PITPNC1: variants seen among roughly 807,000 people sequenced by gnomAD.
PITPNC1 encodes the protein cytoplasmic phosphatidylinositol transfer protein 1.
Under a neutral mutation model 44.7 loss-of-function variants are expected in PITPNC1, and 18 were observed. The observed-to-expected ratio is 0.40, with a 90% CI of 0.28 to 0.60. PITPNC1 has a LOEUF of 0.60. Among genes scored for constraint, PITPNC1 ranks in the 20% least tolerant of loss-of-function variants. The pLI is 0.39. For synonymous variants in PITPNC1, 141 were observed against 149.6 expected (o/e 0.94, Z 0.42); for missense variants, 290 against 418.4 (o/e 0.69, Z 2.68).
At chr17:67,534,171 G>A (rs959029618) in intron 2 of PITPNC1, among the ~76,000 whole-genome samples, 4 of 151,816 alleles carry the variant, frequency 2.6e-5, no homozygotes, top group African/African-American at 7.3e-5. Flanking sequence ...CTGGGATTAC[G>A]GGCATGAGCC....
chr17:67,400,052 A>G (rs1220647438), intron 1 of PITPNC1, among the ~76,000 whole-genome samples: 1 of 152,158 alleles, frequency 6.6e-6, no homozygotes, highest in Admixed American at 6.5e-5. Context: ...GTCATTGTCC[A>G]TTTGTGGGGA....
At chr17:67,596,582 C>T (rs1485649311) in intron 5 of PITPNC1, among the ~76,000 whole-genome samples, 2 of 152,142 alleles carry the variant, frequency 1.3e-5, no homozygotes, top group Non-Finnish European at 2.9e-5. Context: ...CCGATCTCGG[C>T]TCACTGCAAC....
At chr17:67,386,574 A>T (rs891468960) in intron 1 of PITPNC1, among the ~76,000 whole-genome samples, 3 of 152,144 alleles carry the variant, frequency 2.0e-5, no homozygotes, top group Non-Finnish European at 4.4e-5. Context: ...TGAGATGGGG[A>T]GTGGGGAATC....
chr17:67,437,699 G>A (rs1281863042), intron 1 of PITPNC1, among the ~76,000 whole-genome samples: 4 of 152,116 alleles, frequency 2.6e-5, no homozygotes, highest in Admixed American at 2.6e-4. Context: ...AGAGGTGGGT[G>A]GTCTTACCAG....
At chr17:67,639,721 T>C (rs1037180413) in intron 6 of PITPNC1, among the ~76,000 whole-genome samples, 5 of 152,122 alleles carry the variant, frequency 3.3e-5, no homozygotes, top group Non-Finnish European at 5.9e-5. Context: ...TCCCCACAGA[T>C]CTAAATATCT....
intron 2 of PITPNC1, among the ~76,000 whole-genome samples, chr17:67,535,825 C>G (rs4538046): frequency 0.9 from 137,204 of 152,188 alleles, 61,800 homozygotes; most frequent in Middle Eastern, 0.96. Context: ...GGAAGGGCAT[C>G]GGGGGGACAT....
At chr17:67,586,425 CAAAAAA>C (rs33998127) in intron 5 of PITPNC1, among the ~76,000 whole-genome samples, 74 of 110,592 alleles carry the variant, frequency 6.7e-4, no homozygotes, top group African/African-American at 2.3e-3. Context: ...GTTTCTACTT[CAAAAAA>C]AAAAAAAAAA....
intron 8 of PITPNC1, among the ~76,000 whole-genome samples, chr17:67,683,115 TCACACCATTG>T (rs1397287604): frequency 8.1e-6 from 1 of 123,716 alleles, no homozygotes; most frequent in Non-Finnish European, 1.6e-5. Flanking sequence ...AGCCAAGATA[TCACACCATTG>T]CACTCCAGCC....
intron 6 of PITPNC1, among the ~76,000 whole-genome samples, chr17:67,665,557 G>C (rs909445914): frequency 1.3e-5 from 2 of 152,132 alleles, no homozygotes; most frequent in African/African-American, 4.8e-5. Flanking sequence ...AATGTATGAG[G>C]GTTCCAGTTT....
At chr17:67,398,388 C>T (rs777611987) in intron 1 of PITPNC1, among the ~76,000 whole-genome samples, 11 of 152,092 alleles carry the variant, frequency 7.2e-5, no homozygotes, top group Admixed American at 3.9e-4. Flanking sequence ...AAAAAGTTGT[C>T]GAGATGCTTG....
At chr17:67,651,242 A>G (rs1353376570) in intron 6 of PITPNC1, among the ~76,000 whole-genome samples, 3 of 152,100 alleles carry the variant, frequency 2.0e-5, no homozygotes. Context: ...GCTGGGCACA[A>G]TAGCTCACCA....
At chr17:67,516,216 C>A (rs1377958864) in intron 1 of PITPNC1, among the ~76,000 whole-genome samples, 1 of 152,202 alleles carries the variant, frequency 6.6e-6, no homozygotes, top group African/African-American at 2.4e-5. Flanking sequence ...CTAAACTTAA[C>A]TGTGACATTT....
intron 1 of PITPNC1, among the ~76,000 whole-genome samples, chr17:67,394,577 A>C (rs1403427622): frequency 6.6e-6 from 1 of 152,178 alleles, no homozygotes; most frequent in Non-Finnish European, 1.5e-5. Context: ...CTATTTGTAG[A>C]CATCACTAGG....
At chr17:67,382,391 AG>A (rs1286485791) in intron 1 of PITPNC1, among the ~76,000 whole-genome samples, 2 of 151,806 alleles carry the variant, frequency 1.3e-5, no homozygotes, top group Admixed American at 6.6e-5. Flanking sequence ...TTAATTTCAG[AG>A]TAAAGAATTA....
chr17:67,459,204 G>A (rs1455357787), intron 1 of PITPNC1, among the ~76,000 whole-genome samples: 2 of 136,258 alleles, frequency 1.5e-5, no homozygotes, highest in African/African-American at 2.8e-5. Context: ...TGCATCCTCC[G>A]CCTGCCAGGT....
intron 7 of PITPNC1, among the ~76,000 whole-genome samples, chr17:67,670,519 A>C (rs2042494502): frequency 6.6e-6 from 1 of 152,110 alleles, no homozygotes; most frequent in African/African-American, 2.4e-5. Flanking sequence ...AGGCTGAGGC[A>C]GGTGGATCAC....
Position 67,415,820 on chromosome 17 carries a change from A to G in PITPNC1, c.48+37618A>G, listed in dbSNP as rs983155006. On this transcript the variant is annotated intron_variant, in intron 1 of 8. Coordinates refer to ENST00000581322, the MANE Select transcript of PITPNC1 (RefSeq NM_012417.4). The stretch of plus-strand genomic sequence containing the variant: ...TTCTTTCGTCTAGATGATTTGGTCA[A>G]CAGTGATAAAGTTCCAACTTAGACT... Among the ~76,000 whole-genome samples the G allele has an allele frequency of 2.0e-5, 3 of 152,314 alleles. No individual in the cohort carries two copies. In the East Asian group the frequency reaches 5.8e-4, roughly 29 times the overall value.
At chr17:67,560,470 C>T (rs1324762503) in intron 4 of PITPNC1, among the ~76,000 whole-genome samples, 1 of 152,192 alleles carries the variant, frequency 6.6e-6, no homozygotes, top group African/African-American at 2.4e-5. Context: ...AAAGTCAGTT[C>T]TGTTCAACCA....
intron 1 of PITPNC1, among the ~76,000 whole-genome samples, chr17:67,445,771 T>G (rs2039084646): frequency 6.6e-6 from 1 of 152,026 alleles, no homozygotes; most frequent in Non-Finnish European, 1.5e-5. Context: ...TGGGAGTGGA[T>G]TTCTCCTGCT....
Sources: gnomAD v4.1 joint callset for allele counts (sites outside exome capture counted in the v4.1 genomes callset) on GRCh38, gnomAD v4.1.1 for gene constraint, MANE v1.5 for transcripts, NCBI Gene and HGNC (gene_info 2026-07-23, HGNC 2026-07-21) for gene names.